The following TMEM61 variants were observed in gnomAD, a reference collection of about 807,000 sequenced individuals.
TMEM61 encodes transmembrane protein 61.
A neutral mutation model predicts 12.0 loss-of-function variants in TMEM61; 13 were observed. The observed-to-expected ratio is 1.08, with a 90% CI of 0.70 to 1.72. TMEM61 has a LOEUF of 1.72. TMEM61 is among the 40% of genes most tolerant of loss of function. TMEM61 has a pLI of 0.00. For missense variants in TMEM61, 249 were observed against 276.9 expected, an observed-to-expected ratio of 0.90 and a Z score of 0.71; for synonymous variants, 109 against 121.4, an observed-to-expected ratio of 0.90 and a Z score of 0.67.
chr1:54,984,445 C>A (rs1163849468), intron 1 of TMEM61, among the ~76,000 whole-genome samples: 2 of 152,138 alleles, frequency 1.3e-5, no homozygotes, highest in Non-Finnish European at 2.9e-5. Flanking sequence ...GAGGGGGGAC[C>A]AAAGCCGGGA....
chr1:54,987,596 G>A (rs1331263300), intron 2 of TMEM61, among the ~76,000 whole-genome samples: 1 of 152,158 alleles, frequency 6.6e-6, no homozygotes, highest in South Asian at 2.1e-4. Flanking sequence ...GCCCTTTTAT[G>A]TACTTATGTA....
chr1:54,984,073 T>C (rs1178432582), intron 1 of TMEM61, among the ~76,000 whole-genome samples: 1 of 152,168 alleles, frequency 6.6e-6, no homozygotes, highest in Admixed American at 6.5e-5. Flanking sequence ...CACACACACG[T>C]GTGTTTTTAA....
rs72907616 is a variant in TMEM61, at chr1:54,981,312, C to A, written c.15+232C>A. 6.9e-3 allele frequency among the ~76,000 whole-genome samples: 1,044 copies of A among 152,268 alleles called. 11 individuals are homozygous for A. Among genetic ancestry groups the A allele is most frequent in the African/African-American group, 0.024 (978 of 41,542 alleles). On this transcript the variant is annotated intron_variant, in intron 1 of 2. Transcript: ENST00000371268. ...CGGACAGTTTCGTCTTTACAGAAAG[C>A]GGCATCTAAAGTGCCCTTATTGGGG...
intron 2 of TMEM61, among the ~76,000 whole-genome samples, chr1:54,988,717 G>A (rs1644276268): frequency 1.3e-5 from 2 of 152,202 alleles, no homozygotes; most frequent in Non-Finnish European, 2.9e-5. Flanking sequence ...ACTCTTTCAT[G>A]CATGTGCCTA....
At chr1:54,981,154 T>A in intron 1 of TMEM61, 74 bp downstream of exon 1, 1 of 1,499,988 alleles carries the variant, frequency 6.7e-7, no homozygotes, top group African/African-American at 1.4e-5. Context: ...CCCGACCCCT[T>A]CCCCTAACCT....
rs201950532 is a variant in TMEM61 at position 54,991,793 on chromosome 1, T to C, written c.366-43T>C. On this transcript the variant is annotated intron_variant, in intron 2 of 2. Coordinates refer to ENST00000371268, the MANE Select transcript of TMEM61 (RefSeq NM_182532.3). ...ACTGTCTCTCTGGCAGGCAGCAGGG[T>C]CTGCCCCAGCCCCTGCTAACAGCCT... 1.4e-5 allele frequency: 22 copies of C among 1,591,680 alleles called. No homozygotes were observed. The East Asian group carries it at 4.9e-4, about 36-fold the overall frequency.
intron 1 of TMEM61, 88 bp downstream of exon 1, chr1:54,981,168 TC>T (rs1644218143): frequency 6.8e-7 from 1 of 1,462,460 alleles, no homozygotes; most frequent in African/African-American, 1.4e-5. Flanking sequence ...CTAACCTCGG[TC>T]ACCGTGGCTT....
At chr1:54,986,016 C>T in intron 1 of TMEM61, 81 bp from the exon 2 acceptor site, 1 of 1,290,682 alleles carries the variant, frequency 7.7e-7, no homozygotes, top group Non-Finnish European at 1.1e-6. Flanking sequence ...GTACAGTGAC[C>T]TCAGGCAAAG....
Position 54,991,815 on chromosome 1 carries a change from G to C in TMEM61, c.366-21G>C, listed in dbSNP as rs1312840920. Reference sequence around the variant, plus strand: ...GGGTCTGCCCCAGCCCCTGCTAACAGCCTCTCTTCTGTTCCTGCAGGACCC... The same window carrying C: ...GGGTCTGCCCCAGCCCCTGCTAACACCCTCTCTTCTGTTCCTGCAGGACCC... On this transcript the variant is annotated intron_variant, in intron 2 of 2. Coordinates refer to ENST00000371268, the MANE Select transcript of TMEM61 (RefSeq NM_182532.3). The C allele has an allele frequency of 2.5e-6, 4 of 1,610,828 alleles. No individual in the cohort carries two copies. In the African/African-American group the frequency reaches 5.3e-5, roughly 22 times the overall value.
At chr1:54,981,585 T>C (rs1644222960) in intron 1 of TMEM61, among the ~76,000 whole-genome samples, 1 of 152,066 alleles carries the variant, frequency 6.6e-6, no homozygotes, top group African/African-American at 2.4e-5. Context: ...AGGACTGCCC[T>C]CCAGCCTGGG....
intron 1 of TMEM61, among the ~76,000 whole-genome samples, chr1:54,984,128 C>T (rs1250086322): frequency 6.6e-6 from 1 of 152,222 alleles, no homozygotes; most frequent in Non-Finnish European, 1.5e-5. Flanking sequence ...GTTTCACCTA[C>T]TGCATCTTGA....
At chr1:54,986,703 G>T (rs536682750) in intron 2 of TMEM61, among the ~76,000 whole-genome samples, 1 of 151,880 alleles carries the variant, frequency 6.6e-6, no homozygotes, top group South Asian at 2.1e-4. Context: ...TAAAGACATG[G>T]AGAAACCCAG....
At chr1:54,989,637 C>G (rs1044609262) in intron 2 of TMEM61, among the ~76,000 whole-genome samples, 1 of 152,254 alleles carries the variant, frequency 6.6e-6, no homozygotes, top group African/African-American at 2.4e-5. Flanking sequence ...CTGGCATCCT[C>G]GACTGTGACC....
At chr1:54,985,212 C>CGTGT (rs1249969795) in intron 1 of TMEM61, among the ~76,000 whole-genome samples, 3 of 62,072 alleles carry the variant, frequency 4.8e-5, no homozygotes, top group African/African-American at 1.4e-4. Context: ...CCACGGTGAA[C>CGTGT]GTGTGTATGT....
At chr1:54,982,927 CCTGTAAAGTCCTTGG>C (rs1267369117) in intron 1 of TMEM61, among the ~76,000 whole-genome samples, 1 of 152,066 alleles carries the variant, frequency 6.6e-6, no homozygotes, top group East Asian at 1.9e-4. Context: ...TGAGGGGACA[CCTGTAAAGTCCTTGG>C]CATGGTGCCC....
At chr1:54,988,739 G>GCA (rs1341125777) in intron 2 of TMEM61, among the ~76,000 whole-genome samples, 3 of 152,320 alleles carry the variant, frequency 2.0e-5, no homozygotes, top group East Asian at 3.9e-4. Flanking sequence ...TATTGATTGA[G>GCA]CACACGTAGG....
chr1:54,983,027 G>A (rs1025952646), intron 1 of TMEM61, among the ~76,000 whole-genome samples: 3 of 152,004 alleles, frequency 2.0e-5, no homozygotes, highest in Non-Finnish European at 2.9e-5. Context: ...GCAGGACAAG[G>A]GGGCAATGAA....
chr1:54,986,611 C>T (rs534806872), intron 2 of TMEM61, among the ~76,000 whole-genome samples, 165 bp downstream of exon 2: 2 of 152,274 alleles, frequency 1.3e-5, no homozygotes, highest in South Asian at 4.1e-4. Flanking sequence ...CAGTACAGCC[C>T]TGAAGGAGTT....
intron 1 of TMEM61, 147 bp downstream of exon 1, chr1:54,981,227 G>T: frequency 1.1e-6 from 1 of 887,310 alleles, no homozygotes; most frequent in South Asian, 2.1e-5. Flanking sequence ...TTATCTTGCT[G>T]GGTGGCTTGA....
Sources: gnomAD v4.1 joint callset for allele counts (sites outside exome capture counted in the v4.1 genomes callset) on GRCh38, gnomAD v4.1.1 for gene constraint, MANE v1.5 for transcripts, NCBI Gene and HGNC (gene_info 2026-07-23, HGNC 2026-07-21) for gene names.